Variants in MED12 observed in about 807,000 individuals in gnomAD.
The protein encoded by MED12 is mediator of RNA polymerase II transcription subunit 12.
Under a neutral mutation model 177.7 loss-of-function variants are expected in MED12, and 10 were observed. That is an observed-to-expected ratio of 0.06 (90% CI 0.03 to 0.10). The LOEUF (loss-of-function observed/expected upper bound fraction) is 0.10, where lower values mean the gene tolerates loss of function less well. Ranked by LOEUF, MED12 falls within the 10% of genes least tolerant of loss-of-function variation. The probability of loss-of-function intolerance (pLI) is 1.00; values close to 1 mark genes in which losing one functional copy is unlikely to be tolerated. For synonymous variants in MED12, 641 were observed against 678.4 expected, an observed-to-expected ratio of 0.94 and a Z score of 0.86; for missense variants, 867 against 1,780.8, an observed-to-expected ratio of 0.49 and a Z score of 9.23.
Position 71,141,227 on chromosome X carries a change from T to C in MED12, c.6268-3T>C, listed in dbSNP as rs752864888. On this transcript the variant is annotated splice_region_variant and splice_polypyrimidine_tract_variant and intron_variant, in intron 42 of 44. Coordinates refer to ENST00000374080, the MANE Select transcript of MED12 (RefSeq NM_005120.3). ...TTCTGAAGTATCTTTTGTGTTCTTA[T>C]AGCAGCAGCAGCAACAGCAACAGCA... 3.5e-6 allele frequency: 4 copies of C among 1,152,873 alleles called. No homozygotes were observed. The highest frequency in any genetic ancestry group is 3.3e-5 in the East Asian group (1 of 30,061).
In MED12 at chrX:71,136,097, AC is replaced by A. The variant is rs1441512086; in HGVS notation, c.5026-181del. On this transcript the variant is annotated intron_variant, in intron 36 of 44. Coordinates refer to ENST00000374080, the MANE Select transcript of MED12 (RefSeq NM_005120.3). ...GCCTCCACACCTCTCCCTGTGCCCC[AC>A]CCTTCACTCTCTCCCCGCATAACTC... is the stretch of plus-strand genomic sequence containing the variant. Among the ~76,000 whole-genome samples, 5 of 95,538 alleles carry A rather than the reference AC, an allele frequency of 5.2e-5. No homozygotes were observed. In the East Asian group the frequency reaches 1.6e-3, roughly 31 times the overall value. 83.0% of individuals were successfully genotyped at this position (95,538 alleles called of 115,157 possible).
At chrX:71,132,734 C>A (rs2092320700) in intron 31 of MED12, 111 bp from the exon 32 acceptor site, 1 of 857,156 alleles carries the variant, frequency 1.2e-6, no homozygotes, top group Admixed American at 2.8e-5. Context: ...GACTCCCAAC[C>A]CACAGTCTCC....
chrX:71,131,858 T>C (rs551195066), intron 29 of MED12, among the ~76,000 whole-genome samples: 5 of 110,827 alleles, frequency 4.5e-5, no homozygotes, highest in Middle Eastern at 4.6e-3. Flanking sequence ...TCTCTGGCCA[T>C]AGATGTAAGG....
At chrX:71,130,260 C>T (rs990089532) in intron 28 of MED12, 46 bp downstream of exon 28, 1 of 1,140,289 alleles carries the variant, frequency 8.8e-7, no homozygotes, top group Admixed American at 2.4e-5. Context: ...TGGGCCCAAT[C>T]TGGGGAGAAA....
rs140083803 is a variant in MED12 at position 71,140,611 on chromosome X, C to T, written c.6045-24C>T. 0.014 allele frequency: 17,359 copies of T among 1,208,727 alleles called. 97 individuals carry two copies. Among genetic ancestry groups the T allele is most frequent in the Non-Finnish European group, 0.017 (15,626 of 894,859 alleles). On this transcript the variant is annotated intron_variant, in intron 41 of 44. Coordinates refer to ENST00000374080, the MANE Select transcript of MED12 (RefSeq NM_005120.3). ...TCTCCTCACCTCCCTCATGCCTTGA[C>T]CTCTGACCCTCTTATCTTTGGAGGT... is the stretch of plus-strand genomic sequence containing the variant.
rs1018026145 is a variant in MED12, at chrX:71,135,086, C to T, written c.4864-6C>T. The T allele has an allele frequency of 1.4e-5, 17 of 1,209,223 alleles. No individual in the cohort carries two copies. The highest frequency in any genetic ancestry group is 3.0e-5 in the East Asian group (1 of 33,761). ...GAACTCTTGTCCCATCTTCCTGTGC[C>T]TGCAGAAGGAGTTGGGGGAGCGCCA... On this transcript the variant is annotated splice_polypyrimidine_tract_variant and splice_region_variant and intron_variant, in intron 35 of 44. Transcript: ENST00000374080.
In MED12 at chrX:71,121,456, G is replaced by A; in HGVS notation, c.846+19G>A. The A allele has an allele frequency of 3.3e-6, 4 of 1,208,892 alleles. No homozygotes were observed. Among genetic ancestry groups the A allele is most frequent in the Non-Finnish European group, 4.5e-6 (4 of 893,028 alleles). ...TCTCCGAGTAAGGCTTGGAATTTTG[G>A]TACTGGTGGGGCAGGGGGAGTCTAA... On this transcript the variant is annotated intron_variant, in intron 6 of 44. Transcript: ENST00000374080.
chrX:71,120,265 G>T, intron 4 of MED12, 95 bp downstream of exon 4: 1 of 924,500 alleles, frequency 1.1e-6, no homozygotes, highest in Middle Eastern at 3.3e-4. Flanking sequence ...TAGATTCCTT[G>T]TTTCTGCTTG....
chrX:71,141,454 G>A (rs1332071758), intron 43 of MED12, 84 bp downstream of exon 43: 2 of 1,107,213 alleles, frequency 1.8e-6, no homozygotes, highest in Non-Finnish European at 2.4e-6. Context: ...GGGACAGTAT[G>A]GAATAGGGTA....
chrX:71,142,407 G>C lies in MED12; in HGVS notation c.*189G>C, dbSNP rs190398158. 2.4e-4 allele frequency: 106 copies of C among 448,987 alleles called. No individual in the cohort carries two copies. The highest frequency in any genetic ancestry group is 2.1e-3 in the African/African-American group (87 of 40,553). The allele number at this position is 448,987 out of a possible 1,213,427, so 37.0% of individuals were successfully genotyped here. On this transcript the variant is annotated 3_prime_UTR_variant, in exon 45 of 45. Transcript: ENST00000374080. ...GGGTTTTGTATATTATTTATATAGA[G>C]ACCCCAGAGCTGTTGCACCCAATAC... is the stretch of plus-strand genomic sequence containing the variant.
intron 20 of MED12, 96 bp from the exon 21 acceptor site, chrX:71,127,240 A>G: frequency 8.6e-7 from 1 of 1,159,809 alleles, no homozygotes; most frequent in Non-Finnish European, 1.2e-6. Context: ...CCTGCTGCTC[A>G]GGTGGGAAAA....
At chrX:71,120,736 G>A (rs772880462) in intron 4 of MED12, among the ~76,000 whole-genome samples, 65 of 109,708 alleles carry the variant, frequency 5.9e-4, no homozygotes, top group Non-Finnish European at 1.1e-3. Context: ...TCAGCCTCCC[G>A]AGTAGCTGGG....
At position 71,134,936 on chromosome X, in the gene MED12, C is replaced by T. The variant is rs1417147547; in HGVS notation, c.4863+88C>T. On this transcript the variant is annotated intron_variant, in intron 35 of 44. Transcript: ENST00000374080. The stretch of plus-strand genomic sequence containing the variant: ...CTTGCTTCTGGCTGGAGCCCTCTAC[C>T]TTTCCTTCTCACGTCTGCCTTTTCT... The T allele has an allele frequency of 1.2e-5, 14 of 1,174,040 alleles. No individual in the cohort carries two copies. The East Asian group carries it at 4.2e-4, about 35-fold the overall frequency.
At chrX:71,134,608 T>C (rs1276428368) in intron 34 of MED12, 105 bp from the exon 35 acceptor site, 1 of 1,099,050 alleles carries the variant, frequency 9.1e-7, no homozygotes, top group African/African-American at 1.8e-5. Context: ...TTGGTGCCCT[T>C]GGGATGACAT....
At position 71,129,543 on chromosome X, in the gene MED12, G is replaced by A. The variant is rs1053641943; in HGVS notation, c.3691+114G>A. On this transcript the variant is annotated intron_variant, in intron 26 of 44. Transcript: ENST00000374080. ...AGGTGGTCTCTCTGACCTTTGGGGA[G>A]GAGGGGAGGGAGAGAAGTATATTTC... 6.3e-6 allele frequency: 6 copies of A among 958,236 alleles called. No homozygotes were observed. The African/African-American group carries it at 1.2e-4, about 19-fold the overall frequency. The allele number at this position is 958,236 out of a possible 1,213,427, so 79.0% of individuals were successfully genotyped here.
At position 71,126,616 on chromosome X, in the gene MED12, G is replaced by A. The variant is rs953969056; in HGVS notation, c.2685+132G>A. The A allele has an allele frequency of 9.8e-6, 8 of 818,125 alleles. No individual in the cohort carries two copies. In the African/African-American group the frequency reaches 1.0e-4, roughly 10 times the overall value. 67.4% of individuals were successfully genotyped at this position (818,125 alleles called of 1,213,427 possible). On this transcript the variant is annotated intron_variant, in intron 19 of 44. Transcript: ENST00000374080. The stretch of plus-strand genomic sequence containing the variant: ...TTTGAAGGGGCAGAAAGACTAGCAT[G>A]GGGGGAGTGGAACATGAGCTAAGAC...
chrX:71,120,866 C>T, intron 4 of MED12, 105 bp from the exon 5 acceptor site: 1 of 1,016,556 alleles, frequency 9.8e-7, no homozygotes, highest in African/African-American at 1.9e-5. Flanking sequence ...CCTCAGCCTC[C>T]CAAAGTGCTG....
chrX:71,126,785 A>G (rs1321571456), intron 19 of MED12, among the ~76,000 whole-genome samples, 184 bp from the exon 20 acceptor site: 2 of 112,365 alleles, frequency 1.8e-5, no homozygotes, highest in Non-Finnish European at 3.8e-5. Context: ...TAAACTATCA[A>G]CAATAAACTA....
intron 33 of MED12, among the ~76,000 whole-genome samples, chrX:71,133,972 G>T (rs2092325279): frequency 1.8e-5 from 2 of 110,436 alleles, no homozygotes; most frequent in Admixed American, 9.6e-5. Flanking sequence ...GCTCACGCCT[G>T]TAATCCCAGC....
Sources: gnomAD v4.1 joint callset for allele counts (sites outside exome capture counted in the v4.1 genomes callset) on GRCh38, gnomAD v4.1.1 for gene constraint, MANE v1.5 for transcripts, NCBI Gene and HGNC (gene_info 2026-07-23, HGNC 2026-07-21) for gene names.